UGGT2: variants seen among roughly 807,000 people sequenced by gnomAD.
The protein encoded by UGGT2 is UDP-glucose:glycoprotein glucosyltransferase 2.
A neutral mutation model predicts 192.1 loss-of-function variants in UGGT2; 180 were observed. The ratio of observed to expected loss-of-function variants is 0.94; its 90% confidence interval spans 0.83 to 1.06. The LOEUF (loss-of-function observed/expected upper bound fraction) is 1.06, where lower values mean the gene tolerates loss of function less well. Among genes scored for constraint, UGGT2 ranks in the 50% least tolerant of loss-of-function variants. UGGT2 has a pLI of 0.00. For synonymous variants in UGGT2, 580 were observed against 591.0 expected (o/e 0.98, Z 0.27); for missense variants, 1,849 against 1,795.7 (o/e 1.03, Z -0.54).
intron 29 of UGGT2, among the ~76,000 whole-genome samples, chr13:95,876,056 T>A (rs1429146837): frequency 7.2e-6 from 1 of 139,136 alleles, no homozygotes; most frequent in East Asian, 2.1e-4. Flanking sequence ...TTTTACACTT[T>A]AAAATAATTG....
At chr13:95,961,817 A>C (rs1337855988) in intron 12 of UGGT2, among the ~76,000 whole-genome samples, 1 of 152,216 alleles carries the variant, frequency 6.6e-6, no homozygotes, top group African/African-American at 2.4e-5. Context: ...AATATTCTCC[A>C]GGATACACCA....
chr13:96,016,918 G>A (rs935876173), intron 4 of UGGT2, among the ~76,000 whole-genome samples: 30 of 152,168 alleles, frequency 2.0e-4, no homozygotes, highest in Admixed American at 1.4e-3. Flanking sequence ...AAGTTAGAGC[G>A]CTGGAGCTGC....
At chr13:95,824,192 A>G (rs990259268) in intron 38 of UGGT2, among the ~76,000 whole-genome samples, 3 of 152,072 alleles carry the variant, frequency 2.0e-5, no homozygotes, top group Admixed American at 2.0e-4. Context: ...CTTACAGATT[A>G]TTTGATGCTT....
chr13:95,911,407 C>A (rs921019371), intron 20 of UGGT2, among the ~76,000 whole-genome samples: 1 of 152,148 alleles, frequency 6.6e-6, no homozygotes, highest in South Asian at 2.1e-4. Context: ...TGGGATATCA[C>A]CACTGATCCC....
intron 20 of UGGT2, among the ~76,000 whole-genome samples, chr13:95,908,591 C>T (rs1188897067): frequency 1.3e-5 from 2 of 151,766 alleles, no homozygotes; most frequent in Non-Finnish European, 2.9e-5. Context: ...TATTTCTCCA[C>T]ATCCTCTCCA....
intron 31 of UGGT2, 65 bp from the exon 32 acceptor site, chr13:95,860,948 G>T: frequency 1.2e-6 from 1 of 842,914 alleles, no homozygotes; most frequent in Non-Finnish European, 1.8e-6. Context: ...TGCCTAAATA[G>T]TAAATATAAG....
At chr13:95,830,546 C>T (rs1392002272) in intron 38 of UGGT2, among the ~76,000 whole-genome samples, 1 of 152,182 alleles carries the variant, frequency 6.6e-6, no homozygotes, top group Non-Finnish European at 1.5e-5. Flanking sequence ...CATCACTGGT[C>T]ATTAGAGAAA....
chr13:95,962,253 A>G (rs558733222), intron 12 of UGGT2, among the ~76,000 whole-genome samples: 1 of 152,294 alleles, frequency 6.6e-6, no homozygotes, highest in Admixed American at 6.5e-5. Flanking sequence ...AATTGATACT[A>G]AAGAAAAAAT....
intron 25 of UGGT2, among the ~76,000 whole-genome samples, chr13:95,888,863 G>C (rs146148718): frequency 1.1e-4 from 16 of 151,440 alleles, no homozygotes; most frequent in Non-Finnish European, 7.4e-5. Flanking sequence ...GCCAAGGCTA[G>C]ACTGCAGTGG....
At chr13:95,844,005 G>C (rs1169323198) in intron 36 of UGGT2, among the ~76,000 whole-genome samples, 2 of 152,000 alleles carry the variant, frequency 1.3e-5, no homozygotes, top group Non-Finnish European at 2.9e-5. Flanking sequence ...TTGTCGCCCA[G>C]GCTGGAGTGC....
Position 95,801,801 on chromosome 13 carries a change from CAT to C in UGGT2, c.4538_4539del (p.His1513ArgfsTer2). 1 of 1,613,870 alleles carries C rather than the reference CAT, an allele frequency of 6.2e-7. No homozygotes were observed. Among genetic ancestry groups the C allele is most frequent in the Non-Finnish European group, 8.5e-7 (1 of 1,179,860 alleles). ...CATATACACCAGTGCTAGAGTTCAT[CAT>C]GTGTCAAAACTATAAGGGAGAAAAG... Reference protein sequence around the residue: ...ENKKQDTILTHDEL With the variant: ...ENKKQDTILTXDEL On this transcript the variant is annotated frameshift_variant, in exon 39 of 39. Transcript: ENST00000376747. LOFTEE classifies it high-confidence loss of function.
intron 2 of UGGT2, among the ~76,000 whole-genome samples, chr13:96,028,146 AC>A (rs1318945291): frequency 6.6e-6 from 1 of 152,114 alleles, no homozygotes; most frequent in Non-Finnish European, 1.5e-5. Context: ...CTGAAATCCT[AC>A]CCTTTATCCT....
intron 20 of UGGT2, among the ~76,000 whole-genome samples, chr13:95,910,048 T>C (rs1215087652): frequency 6.6e-6 from 1 of 152,068 alleles, no homozygotes. Flanking sequence ...TGCTGAGAGA[T>C]TCTGTCACCA....
chr13:95,884,828 C>T (rs897073146), intron 26 of UGGT2, 148 bp from the exon 27 acceptor site: 231 of 707,100 alleles, frequency 3.3e-4, no homozygotes, highest in Non-Finnish European at 8.4e-5. Flanking sequence ...AAAGTTAATG[C>T]TTATGAGAAA....
At chr13:95,867,064 G>T (rs1318596001) in intron 30 of UGGT2, among the ~76,000 whole-genome samples, 2 of 151,888 alleles carry the variant, frequency 1.3e-5, no homozygotes, top group Non-Finnish European at 1.5e-5. Context: ...CTCATCTCTA[G>T]AGTCCAATTT....
intron 22 of UGGT2, among the ~76,000 whole-genome samples, chr13:95,899,953 A>G (rs188417086): frequency 6.6e-5 from 10 of 152,264 alleles, no homozygotes; most frequent in Non-Finnish European, 5.9e-5. Context: ...TTTGAAGATG[A>G]TTGAGGGATA....
intron 38 of UGGT2, among the ~76,000 whole-genome samples, chr13:95,810,463 A>C (rs940638873): frequency 1.3e-5 from 2 of 152,206 alleles, no homozygotes; most frequent in African/African-American, 4.8e-5. Context: ...ATCAATTTTA[A>C]CTTTTAATAA....
intron 12 of UGGT2, among the ~76,000 whole-genome samples, chr13:95,969,589 TCA>T (rs2050701996): frequency 6.6e-6 from 1 of 152,218 alleles, no homozygotes; most frequent in Non-Finnish European, 1.5e-5. Context: ...AAAGAACGTT[TCA>T]CAGTCTAAGA....
rs1380735963 is a variant in UGGT2, at chr13:95,897,718, CCA to C, written c.2635-2416_2635-2415del. ...TAAGTATTACATTATCGCTCATAAACCACAGACTTATTTTCCAATATACTTTT... is the reference window on the plus strand; with the variant it reads ...TAAGTATTACATTATCGCTCATAAACCAGACTTATTTTCCAATATACTTTT... On this transcript the variant is annotated intron_variant, in intron 22 of 38. Transcript: ENST00000376747. Among the ~76,000 whole-genome samples the C allele has an allele frequency of 7.9e-5, 12 of 152,260 alleles. No homozygotes were observed. The East Asian group carries it at 2.3e-3, about 29-fold the overall frequency.
Sources: gnomAD v4.1 joint callset for allele counts (sites outside exome capture counted in the v4.1 genomes callset) on GRCh38, gnomAD v4.1.1 for gene constraint, MANE v1.5 for transcripts, NCBI Gene and HGNC (gene_info 2026-07-23, HGNC 2026-07-21) for gene names.